NKAIN1: variants seen among roughly 807,000 people sequenced by gnomAD.
The protein encoded by NKAIN1 is sodium/potassium-transporting ATPase subunit beta-1-interacting protein 1.
Under a neutral mutation model 31.6 loss-of-function variants are expected in NKAIN1, and 13 were observed. The ratio of observed to expected loss-of-function variants is 0.41; its 90% CI spans 0.27 to 0.65. The LOEUF (loss-of-function observed/expected upper bound fraction) is 0.65, where lower values mean the gene tolerates loss of function less well. Among genes scored for constraint, NKAIN1 ranks in the 30% least tolerant of loss-of-function variants. The probability of loss-of-function intolerance (pLI) is 0.30; values close to 1 mark genes in which losing one functional copy is unlikely to be tolerated. For synonymous variants in NKAIN1, 104 were observed against 109.0 expected (o/e 0.95, Z 0.28); for missense variants, 193 against 262.2 (o/e 0.74, Z 1.82).
At chr1:31,216,024 A>G (rs1645509280) in intron 1 of NKAIN1, among the ~76,000 whole-genome samples, 1 of 151,964 alleles carries the variant, frequency 6.6e-6, no homozygotes, top group Non-Finnish European at 1.5e-5. Context: ...AGTAAACCCA[A>G]GTGGTCTGGT....
intron 1 of NKAIN1, among the ~76,000 whole-genome samples, chr1:31,197,571 G>C (rs1645340193): frequency 1.2e-5 from 1 of 82,132 alleles, no homozygotes; most frequent in Non-Finnish European, 2.7e-5. Context: ...CCCTGAGATG[G>C]AGTCCAGCTT....
intron 1 of NKAIN1, among the ~76,000 whole-genome samples, chr1:31,224,317 G>A (rs781390969): frequency 2.0e-5 from 3 of 152,200 alleles, no homozygotes; most frequent in Non-Finnish European, 2.9e-5. Context: ...GGGAGGAAGC[G>A]GGAAGGGATG....
chr1:31,200,003 GCACACACATGCA>G (rs1401661040), intron 1 of NKAIN1, among the ~76,000 whole-genome samples: 2 of 114,476 alleles, frequency 1.7e-5, no homozygotes, highest in East Asian at 2.2e-4. Context: ...ACACACACAC[GCACACACATGCA>G]CACACACACG....
chr1:31,191,055 C>G (rs1347959508), intron 1 of NKAIN1, among the ~76,000 whole-genome samples: 1 of 152,206 alleles, frequency 6.6e-6, no homozygotes, highest in Non-Finnish European at 1.5e-5. Context: ...CTTTGGGAGG[C>G]CAAGGTCGGC....
intron 1 of NKAIN1, among the ~76,000 whole-genome samples, chr1:31,234,156 C>G (rs1645677880): frequency 6.6e-6 from 1 of 152,200 alleles, no homozygotes; most frequent in African/African-American, 2.4e-5. Flanking sequence ...GGGAGTTGAT[C>G]ATCCCTGCCA....
chr1:31,207,093 A>G (rs953087135), intron 1 of NKAIN1, among the ~76,000 whole-genome samples: 1 of 152,136 alleles, frequency 6.6e-6, no homozygotes, highest in African/African-American at 2.4e-5. Context: ...TTATTAGGAT[A>G]ATTGTTAAAT....
At chr1:31,232,425 A>ATATATATATATATATG (rs71028751) in intron 1 of NKAIN1, among the ~76,000 whole-genome samples, 3 of 18,818 alleles carry the variant, frequency 1.6e-4, no homozygotes, top group African/African-American at 7.9e-4. Flanking sequence ...ATATATATAT[A>ATATATATATATATATG]GAGAGAGAGA....
At chr1:31,205,397 C>T (rs1357754532) in intron 1 of NKAIN1, among the ~76,000 whole-genome samples, 1 of 152,080 alleles carries the variant, frequency 6.6e-6, no homozygotes, top group Non-Finnish European at 1.5e-5. Flanking sequence ...CAACTTCTGC[C>T]TTCTGGGTTC....
At chr1:31,199,781 C>A (rs530405860) in intron 1 of NKAIN1, among the ~76,000 whole-genome samples, 21 of 152,292 alleles carry the variant, frequency 1.4e-4, no homozygotes, top group Non-Finnish European at 1.6e-4. Flanking sequence ...GGACTCAATT[C>A]ATTGAGCAAA....
chr1:31,200,675 G>C lies in NKAIN1; in HGVS notation c.55-12488C>G, dbSNP rs567790507. On this transcript the variant is annotated intron_variant, in intron 1 of 6. Transcript: ENST00000373736. ...AGGGTCTCACTATATTTCCCAGGCT[G>C]GTCTCGAACTCCTGAGCTCAAGTGA... 1.6e-4 allele frequency among the ~76,000 whole-genome samples: 25 copies of C among 152,032 alleles called. No individual in the cohort carries two copies. The East Asian group carries it at 4.2e-3, about 26-fold the overall frequency.
At chr1:31,189,426 C>G (rs1645269356) in intron 1 of NKAIN1, among the ~76,000 whole-genome samples, 1 of 152,214 alleles carries the variant, frequency 6.6e-6, no homozygotes, top group Admixed American at 6.5e-5. Context: ...AAGCAATTCT[C>G]CTGCCTCAGC....
chr1:31,202,447 G>T (rs910203254), intron 1 of NKAIN1, among the ~76,000 whole-genome samples: 1 of 152,152 alleles, frequency 6.6e-6, no homozygotes, highest in African/African-American at 2.4e-5. Context: ...GGAGGCCGAG[G>T]TGGGCGGATC....
chr1:31,209,192 C>T (rs10914325), intron 1 of NKAIN1, among the ~76,000 whole-genome samples: 90,387 of 151,536 alleles, frequency 0.6, 29,528 homozygotes, highest in Middle Eastern at 0.83. Context: ...CTGACCAACA[C>T]GGTGAAACCT....
At chr1:31,199,429 TC>T (rs762134921) in intron 1 of NKAIN1, among the ~76,000 whole-genome samples, 15 of 152,206 alleles carry the variant, frequency 9.9e-5, no homozygotes, top group Middle Eastern at 3.4e-3. Context: ...ACCCCCCTTT[TC>T]CCAATGGATT....
At position 31,182,578 on chromosome 1, in the gene NKAIN1, C is replaced by T. The variant is rs781264152; in HGVS notation, c.484G>A (p.Val162Met). 6.2e-7 allele frequency: 1 copy of T among 1,614,120 alleles called. No homozygotes were observed. The highest frequency in any genetic ancestry group is 8.5e-7 in the Non-Finnish European group (1 of 1,179,996). Residue 162 changes from valine (V) to methionine (M), a missense_variant, in exon 5 of 7, where the codon GTG becomes ATG. Val to Met is a conservative substitution (Grantham distance 21). Transcript: ENST00000373736. ...LQIFLALFGFVFACYVSKVFL... is the reference protein window; with the variant it reads ...LQIFLALFGFMFACYVSKVFL... ...ACTTTGCTCACGTAGCAGGCGAACA[C>T]GAAGCCGAACAGCTGGGAGTGGAGA...
rs1355127589 is a variant in NKAIN1 at position 31,223,696 on chromosome 1, G to A, written c.54+15798C>T. ...CCTGACCTCGTGATTCGCCTGCCTC[G>A]GCCTCCCAAAGTGCTGGGATTACAG... On this transcript the variant is annotated intron_variant, in intron 1 of 6. Coordinates refer to ENST00000373736, the MANE Select transcript of NKAIN1 (RefSeq NM_024522.3). Among the ~76,000 whole-genome samples the A allele has an allele frequency of 3.9e-5, 6 of 152,136 alleles. No individual in the cohort carries two copies. In the East Asian group the frequency reaches 5.9e-4, roughly 15 times the overall value.
intron 1 of NKAIN1, among the ~76,000 whole-genome samples, chr1:31,195,063 G>A (rs1645314446): frequency 6.6e-6 from 1 of 150,538 alleles, no homozygotes; most frequent in South Asian, 2.1e-4. Context: ...GAGCCACCGC[G>A]CCTGACTCTT....
At position 31,239,838 on chromosome 1, in the gene NKAIN1, G is replaced by A. The variant is rs1056538482; in HGVS notation, c.-291C>T. 5.3e-5 allele frequency among the ~76,000 whole-genome samples: 8 copies of A among 151,932 alleles called. No homozygotes were observed. The highest frequency in any genetic ancestry group is 5.9e-5 in the Non-Finnish European group (4 of 67,910). Reference sequence around the variant, plus strand: ...TGCCCCGGGGCGGCTGGCGGGGAGCGCGGAGCAAGGAGAGCGAGCCCCGAG... The same window carrying A: ...TGCCCCGGGGCGGCTGGCGGGGAGCACGGAGCAAGGAGAGCGAGCCCCGAG... On this transcript the variant is annotated 5_prime_UTR_variant, in exon 1 of 7. Coordinates refer to ENST00000373736, the MANE Select transcript of NKAIN1 (RefSeq NM_024522.3). The surrounding 1 kb of genome is among the most constrained non-coding windows in gnomAD (Gnocchi z 4.8).
At chr1:31,223,735 C>T (rs949049398) in intron 1 of NKAIN1, among the ~76,000 whole-genome samples, 4 of 152,098 alleles carry the variant, frequency 2.6e-5, no homozygotes, top group African/African-American at 7.2e-5. Context: ...TGAGCCACCA[C>T]GCCCAGCCGA....
Sources: allele counts gnomAD v4.1 joint callset (sites outside exome capture counted in the v4.1 genomes callset), GRCh38; gene constraint gnomAD v4.1.1; non-coding constraint Gnocchi (gnomAD v3.1); transcripts MANE v1.5; gene names NCBI Gene and HGNC (gene_info 2026-07-23, HGNC 2026-07-21).